The following PDCD1LG2 variants were observed in gnomAD, a reference collection of about 807,000 sequenced individuals.
The protein encoded by PDCD1LG2 is B7 dendritic cell molecule.
A neutral mutation model predicts 28.2 loss-of-function variants in PDCD1LG2; 32 were observed. The observed-to-expected ratio is 1.13, with a 90% CI of 0.86 to 1.52. The LOEUF is 1.52. PDCD1LG2 is among the 40% of genes most tolerant of loss of function. The probability of loss-of-function intolerance (pLI) is 0.00; values close to 1 mark genes in which losing one functional copy is unlikely to be tolerated. For missense variants in PDCD1LG2, 385 were observed against 323.8 expected, an observed-to-expected ratio of 1.19 and a Z score of -1.45; for synonymous variants, 116 against 120.2, an observed-to-expected ratio of 0.97 and a Z score of 0.23.
chr9:5,526,812 T>C lies in PDCD1LG2; in HGVS notation c.55+4211T>C, dbSNP rs998398523. Among the ~76,000 whole-genome samples, 5 of 152,342 alleles carry C rather than the reference T, an allele frequency of 3.3e-5. No homozygotes were observed. In the East Asian group the frequency reaches 7.7e-4, roughly 23 times the overall value. On this transcript the variant is annotated intron_variant, in intron 2 of 6. Transcript: ENST00000397747. ...TTTTAGTAAGCATTCAATAAATGTA[T>C]GTTCTTTATAGTTTCCAAATCAGCA...
chr9:5,559,227 C>T (rs1039026640), intron 5 of PDCD1LG2, among the ~76,000 whole-genome samples: 28 of 152,322 alleles, frequency 1.8e-4, no homozygotes, highest in African/African-American at 6.5e-4. Flanking sequence ...GGAGGTAAAG[C>T]TCAAGTTCTA....
intron 3 of PDCD1LG2, among the ~76,000 whole-genome samples, chr9:5,545,959 C>T (rs1427130857): frequency 3.9e-5 from 6 of 152,148 alleles, no homozygotes; most frequent in Non-Finnish European, 8.8e-5. Flanking sequence ...AAAATTTACT[C>T]ATCTTTTCCT....
intron 3 of PDCD1LG2, among the ~76,000 whole-genome samples, chr9:5,547,986 A>G (rs1294160595): frequency 2.6e-5 from 4 of 151,642 alleles, no homozygotes; most frequent in African/African-American, 9.7e-5. Flanking sequence ...AACATATCAC[A>G]TCACCAAGTT....
intron 6 of PDCD1LG2, among the ~76,000 whole-genome samples, chr9:5,568,990 C>A (rs570720989): frequency 6.6e-6 from 1 of 152,212 alleles, no homozygotes; most frequent in African/African-American, 2.4e-5. Flanking sequence ...GCAAACTCTT[C>A]TAGATAGAGG....
chr9:5,546,810 T>C (rs1396822238), intron 3 of PDCD1LG2, among the ~76,000 whole-genome samples: 1 of 152,150 alleles, frequency 6.6e-6, no homozygotes, highest in East Asian at 1.9e-4. Context: ...TATTTATACA[T>C]TAGGGGGAAA....
chr9:5,531,344 T>C lies in PDCD1LG2; in HGVS notation c.56-3401T>C, dbSNP rs550397909. Among the ~76,000 whole-genome samples, 8 of 152,354 alleles carry C rather than the reference T, an allele frequency of 5.3e-5. 1 individual carries two copies. The South Asian group carries it at 1.7e-3, about 32-fold the overall frequency. On this transcript the variant is annotated intron_variant, in intron 2 of 6. Transcript: ENST00000397747. ...CATTGCCTAAACCTCTTATTTTGTA[T>C]GGAGTAATCAAGCTCAAAGTTTGCA...
chr9:5,522,617 G>T lies in PDCD1LG2; in HGVS notation c.55+16G>T. 1 of 1,611,924 alleles carries T rather than the reference G, an allele frequency of 6.2e-7. No homozygotes were observed. The highest frequency in any genetic ancestry group is 8.5e-7 in the Non-Finnish European group (1 of 1,178,308). On this transcript the variant is annotated intron_variant, in intron 2 of 6. Coordinates refer to ENST00000397747, the MANE Select transcript of PDCD1LG2 (RefSeq NM_025239.4). ...CAGATAGCAGGTAAGAAAGGACAAAGGGAGAGGCTTAAGAAAGAAGAGCAG... is the reference window on the plus strand; with the variant it reads ...CAGATAGCAGGTAAGAAAGGACAAATGGAGAGGCTTAAGAAAGAAGAGCAG...
chr9:5,526,086 C>T (rs1341275871), intron 2 of PDCD1LG2, among the ~76,000 whole-genome samples: 1 of 151,568 alleles, frequency 6.6e-6, no homozygotes, highest in Admixed American at 6.6e-5. Context: ...CTGATAAGCC[C>T]GATATTCAGG....
At position 5,558,034 on chromosome 9, in the gene PDCD1LG2, T is replaced by C. The variant is rs942344739; in HGVS notation, c.766+282T>C. Among the ~76,000 whole-genome samples the C allele has an allele frequency of 2.0e-5, 3 of 152,206 alleles. No homozygotes were observed. The South Asian group carries it at 6.2e-4, about 31-fold the overall frequency. On this transcript the variant is annotated intron_variant, in intron 5 of 6. Coordinates refer to ENST00000397747, the MANE Select transcript of PDCD1LG2 (RefSeq NM_025239.4). ...GAGCCAAGAGCTTTCATCAGCCTCATGAGAGTGATGTTATTTTGGCAATGC... is the reference window on the plus strand; with the variant it reads ...GAGCCAAGAGCTTTCATCAGCCTCACGAGAGTGATGTTATTTTGGCAATGC...
intron 3 of PDCD1LG2, among the ~76,000 whole-genome samples, chr9:5,543,699 C>T (rs539485115): frequency 1.3e-5 from 2 of 152,280 alleles, no homozygotes; most frequent in South Asian, 4.1e-4. Flanking sequence ...AGCCAAGTCT[C>T]AGTGTCTTTT....
At chr9:5,521,145 T>G (rs1820266012) in intron 1 of PDCD1LG2, among the ~76,000 whole-genome samples, 1 of 152,172 alleles carries the variant, frequency 6.6e-6, no homozygotes, top group Non-Finnish European at 1.5e-5. Context: ...TCCATTTTTA[T>G]GAAATATCCA....
At chr9:5,568,186 G>A (rs1816702876) in intron 6 of PDCD1LG2, among the ~76,000 whole-genome samples, 1 of 152,156 alleles carries the variant, frequency 6.6e-6, no homozygotes, top group Admixed American at 6.5e-5. Context: ...TATCATATAG[G>A]CTATTTGTCC....
chr9:5,555,451 C>T (rs146178344), intron 4 of PDCD1LG2, among the ~76,000 whole-genome samples: 268 of 152,050 alleles, frequency 1.8e-3, no homozygotes, highest in African/African-American at 6.2e-3. Flanking sequence ...ATTAAAGAAA[C>T]GACAAAAGAG....
intron 3 of PDCD1LG2, among the ~76,000 whole-genome samples, chr9:5,546,320 G>A (rs1384763827): frequency 6.6e-6 from 1 of 152,086 alleles, no homozygotes; most frequent in East Asian, 1.9e-4. Context: ...TCCTGTTCTT[G>A]TTCTACTTCA....
At chr9:5,542,133 G>C (rs984045527) in intron 3 of PDCD1LG2, among the ~76,000 whole-genome samples, 1 of 152,100 alleles carries the variant, frequency 6.6e-6, no homozygotes, top group African/African-American at 2.4e-5. Flanking sequence ...TAGCCACATG[G>C]AGAAGAATAA....
In PDCD1LG2 at chr9:5,514,999, T is replaced by G. The variant is rs558226651; in HGVS notation, c.-15+4196T>G. On this transcript the variant is annotated intron_variant, in intron 1 of 6. Transcript: ENST00000397747. Reference sequence around the variant, plus strand: ...GAAGTTAGTGAGAGGAGTGGTCATATAGGAATTCATGGGATTTTTAGACCA... The same window carrying G: ...GAAGTTAGTGAGAGGAGTGGTCATAGAGGAATTCATGGGATTTTTAGACCA... Among the ~76,000 whole-genome samples, 20 of 152,196 alleles carry G rather than the reference T, an allele frequency of 1.3e-4. No individual in the cohort carries two copies. In the South Asian group the frequency reaches 4.1e-3, roughly 32 times the overall value.
intron 3 of PDCD1LG2, among the ~76,000 whole-genome samples, chr9:5,539,173 T>C (rs1241931363): frequency 3.9e-5 from 6 of 152,188 alleles, no homozygotes; most frequent in African/African-American, 1.4e-4. Context: ...GTTTTTCCAG[T>C]ATAGAAACTT....
At chr9:5,545,221 G>T (rs1816164178) in intron 3 of PDCD1LG2, among the ~76,000 whole-genome samples, 1 of 152,210 alleles carries the variant, frequency 6.6e-6, no homozygotes, top group Non-Finnish European at 1.5e-5. Flanking sequence ...AAAACTGAGG[G>T]TTTAAGAGGT....
chr9:5,568,866 C>A (rs1816717719), intron 6 of PDCD1LG2, among the ~76,000 whole-genome samples: 1 of 152,076 alleles, frequency 6.6e-6, no homozygotes, highest in Non-Finnish European at 1.5e-5. Flanking sequence ...GAGGGACAAA[C>A]AATACATGAA....
Sources: gnomAD v4.1 joint callset for allele counts (sites outside exome capture counted in the v4.1 genomes callset) on GRCh38, gnomAD v4.1.1 for gene constraint, MANE v1.5 for transcripts, NCBI Gene and HGNC (gene_info 2026-07-23, HGNC 2026-07-21) for gene names.